The following EPHA4 variants were observed in gnomAD, a reference collection of about 807,000 sequenced individuals.
The protein encoded by EPHA4 is ephrin type-A receptor 4.
EPHA4 carries 19 observed loss-of-function variants against 108.3 expected under a neutral mutation model. That is an observed-to-expected ratio of 0.18 (90% CI 0.12 to 0.26). The LOEUF (loss-of-function observed/expected upper bound fraction) is 0.26, where lower values mean the gene tolerates loss of function less well. EPHA4 is among the 10% of genes least tolerant of loss of function. The pLI is 1.00. For synonymous variants in EPHA4, 449 were observed against 455.5 expected (o/e 0.99, Z 0.18); for missense variants, 917 against 1,254.0 (o/e 0.73, Z 4.06).
At chr2:221,545,591 A>G (rs1420286005) in intron 3 of EPHA4, among the ~76,000 whole-genome samples, 1 of 152,198 alleles carries the variant, frequency 6.6e-6, no homozygotes, top group East Asian at 1.9e-4. Context: ...CTATCCTGCC[A>G]TGCCAAACCC....
chr2:221,423,360 C>T (rs1689810531), intron 17 of EPHA4, among the ~76,000 whole-genome samples: 2 of 152,328 alleles, frequency 1.3e-5, no homozygotes, highest in African/African-American at 4.8e-5. Context: ...CCCTGGGAAA[C>T]AATGCATCAT....
intron 4 of EPHA4, among the ~76,000 whole-genome samples, chr2:221,493,817 C>T (rs187817960): frequency 1.3e-5 from 2 of 152,174 alleles, no homozygotes; most frequent in African/African-American, 4.8e-5. Context: ...TTCTTGATAA[C>T]GTAAACCTGG....
Position 221,524,213 on chromosome 2 carries a change from C to T in EPHA4, c.824-23041G>A, listed in dbSNP as rs1169376586. Among the ~76,000 whole-genome samples the T allele has an allele frequency of 2.6e-5, 4 of 152,228 alleles. No homozygotes were observed. The South Asian group carries it at 6.2e-4, about 24-fold the overall frequency. On this transcript the variant is annotated intron_variant, in intron 3 of 17. Coordinates refer to ENST00000281821, the MANE Select transcript of EPHA4 (RefSeq NM_004438.5). ...GCCACGTCCGTGTGCTGCCTCCTCTCCTGCCGGATGCTAACTCCACTTCTT... is the reference window on the plus strand; with the variant it reads ...GCCACGTCCGTGTGCTGCCTCCTCTTCTGCCGGATGCTAACTCCACTTCTT...
At chr2:221,490,168 T>A (rs1574606525) in intron 4 of EPHA4, among the ~76,000 whole-genome samples, 1 of 141,438 alleles carries the variant, frequency 7.1e-6, no homozygotes, top group Non-Finnish European at 1.5e-5. Context: ...AAAAACCCAC[T>A]GCCATAGCAC....
At chr2:221,515,144 G>A (rs1028450630) in intron 3 of EPHA4, among the ~76,000 whole-genome samples, 1 of 152,148 alleles carries the variant, frequency 6.6e-6, no homozygotes, top group Non-Finnish European at 1.5e-5. Context: ...TGGCCAGGCT[G>A]GAGTACAATG....
Position 221,426,038 on chromosome 2 carries a change from A to C in EPHA4, c.2951T>G (p.Val984Gly). 1.9e-6 allele frequency: 3 copies of C among 1,614,056 alleles called. No individual in the cohort carries two copies. Among genetic ancestry groups the C allele is most frequent in the Non-Finnish European group, 2.5e-6 (3 of 1,179,920 alleles). Residue 984 changes from valine (V) to glycine (G), a missense_variant, in exon 17 of 18, where the codon GTT (valine) becomes GGT (glycine). Val to Gly is a moderately radical substitution (Grantham distance 109). Transcript: ENST00000281821. ...TTATTCAGTACTGGCTCAGACGGGA[A>C]CCATTCTGCCGTGCATCTGCTGCAT... is the stretch of plus-strand genomic sequence containing the variant. Reference protein sequence around the residue: ...TQMQQMHGRMVPV With the variant: ...TQMQQMHGRMGPV
chr2:221,475,319 T>A (rs1002185438), intron 5 of EPHA4, among the ~76,000 whole-genome samples: 2 of 152,164 alleles, frequency 1.3e-5, no homozygotes, highest in Non-Finnish European at 2.9e-5. Context: ...TGGGAAAAAA[T>A]TTGTGGTTCA....
chr2:221,499,740 ATATATATATATATATATTTT>A (rs1414533681), intron 4 of EPHA4, among the ~76,000 whole-genome samples: 2 of 54,458 alleles, frequency 3.7e-5, no homozygotes, highest in African/African-American at 2.0e-4. Flanking sequence ...ATATATATAT[ATATATATATATATATATTTT>A]TTTTTTTTTT....
intron 4 of EPHA4, among the ~76,000 whole-genome samples, chr2:221,496,330 A>C (rs1235309864): frequency 6.6e-6 from 1 of 152,132 alleles, no homozygotes; most frequent in Non-Finnish European, 1.5e-5. Flanking sequence ...AAAATGTGCC[A>C]AGTTTAAATA....
At chr2:221,552,920 A>G (rs1206859771) in intron 3 of EPHA4, among the ~76,000 whole-genome samples, 4 of 152,230 alleles carry the variant, frequency 2.6e-5, no homozygotes, top group African/African-American at 7.2e-5. Context: ...AAACTGATGT[A>G]AAACATTAAT....
chr2:221,565,787 T>C (rs1310953104), intron 2 of EPHA4, among the ~76,000 whole-genome samples: 1 of 152,196 alleles, frequency 6.6e-6, no homozygotes, highest in African/African-American at 2.4e-5. Context: ...TTACTTATTT[T>C]AGGAAATTCA....
chr2:221,432,124 AT>A (rs754634253), intron 14 of EPHA4, among the ~76,000 whole-genome samples: 5 of 140,776 alleles, frequency 3.6e-5, no homozygotes, highest in African/African-American at 1.5e-4. Context: ...ATATATATAT[AT>A]TGTTTTTTTA....
intron 3 of EPHA4, among the ~76,000 whole-genome samples, chr2:221,513,653 G>T (rs367850132): frequency 5.9e-5 from 9 of 152,096 alleles, no homozygotes; most frequent in Admixed American, 5.9e-4. Context: ...TAAAAAAAAT[G>T]AGTGTATATA....
chr2:221,491,437 A>G (rs1481494837), intron 4 of EPHA4, among the ~76,000 whole-genome samples: 1 of 152,246 alleles, frequency 6.6e-6, no homozygotes, highest in Non-Finnish European at 1.5e-5. Flanking sequence ...TGCCAAAATT[A>G]AGACAGCCAA....
At chr2:221,522,953 T>C (rs1198713869) in intron 3 of EPHA4, among the ~76,000 whole-genome samples, 2 of 151,990 alleles carry the variant, frequency 1.3e-5, no homozygotes, top group East Asian at 1.9e-4. Context: ...GGTTTCACCA[T>C]GTTCGCCAGG....
intron 17 of EPHA4, among the ~76,000 whole-genome samples, chr2:221,421,308 A>AG (rs1259891495): frequency 2.0e-5 from 3 of 152,170 alleles, no homozygotes; most frequent in Non-Finnish European, 2.9e-5. Flanking sequence ...TCAAAAAAAA[A>AG]AGAAAAGAAA....
intron 4 of EPHA4, among the ~76,000 whole-genome samples, chr2:221,494,007 G>C (rs1421509699): frequency 6.6e-6 from 1 of 152,112 alleles, no homozygotes; most frequent in Non-Finnish European, 1.5e-5. Context: ...TGTTTACTTG[G>C]AGACAGATTC....
chr2:221,510,422 T>C (rs992037135), intron 3 of EPHA4, among the ~76,000 whole-genome samples: 2 of 152,328 alleles, frequency 1.3e-5, no homozygotes, highest in South Asian at 2.1e-4. Context: ...TCATCTCCTC[T>C]GGCAAGACAC....
rs540564971 is a variant in EPHA4 at position 221,464,075 on chromosome 2, C to T, written c.1319-6085G>A. Among the ~76,000 whole-genome samples the T allele has an allele frequency of 2.0e-5, 3 of 152,248 alleles. No individual in the cohort carries two copies. The South Asian group carries it at 6.2e-4, about 32-fold the overall frequency. On this transcript the variant is annotated intron_variant, in intron 5 of 17. Transcript: ENST00000281821. Reference sequence around the variant, plus strand: ...ACAGCCCTTTATGAAAGTCAAGACACCTGAAGCCATGGATGTCAGTGGTAC... The same window carrying T: ...ACAGCCCTTTATGAAAGTCAAGACATCTGAAGCCATGGATGTCAGTGGTAC...
Sources: allele counts gnomAD v4.1 joint callset (sites outside exome capture counted in the v4.1 genomes callset), GRCh38; gene constraint gnomAD v4.1.1; transcripts MANE v1.5; gene names NCBI Gene and HGNC (gene_info 2026-07-23, HGNC 2026-07-21).